Variants in FANCA observed in about 807,000 individuals in gnomAD.
FANCA encodes Fanconi anemia group A protein.
A neutral mutation model predicts 194.3 loss-of-function variants in FANCA; 236 were observed. That is an observed-to-expected ratio of 1.21 (90% confidence interval 1.09 to 1.35). FANCA has a LOEUF of 1.35. Among genes scored for constraint, FANCA ranks in the 40% most tolerant of loss-of-function variants. The pLI is 0.00. For synonymous variants in FANCA, 1,014 were observed against 715.8 expected (o/e 1.42, Z -6.65); for missense variants, 2,628 against 1,813.9 (o/e 1.45, Z -8.15).
chr16:89,744,337 T>C (rs1283739319), intron 36 of FANCA, among the ~76,000 whole-genome samples: 1 of 152,272 alleles, frequency 6.6e-6, no homozygotes, highest in South Asian at 2.1e-4. Flanking sequence ...GACGACCCCT[T>C]AAGAACACGG....
Position 89,795,920 on chromosome 16 carries a change from C to T in FANCA, c.992G>A (p.Ser331Asn). Reference protein sequence around the residue: ...SHTLTQILTHSPVLKASDAVQ... With the variant: ...SHTLTQILTHNPVLKASDAVQ... Reference sequence around the variant, plus strand: ...ACTGGGCCTACCTTTCAGCACAGGGCTGTGAGTGAGTATCTGAGTCAGGGT... The same window carrying T: ...ACTGGGCCTACCTTTCAGCACAGGGTTGTGAGTGAGTATCTGAGTCAGGGT... Residue 331 changes from serine to asparagine, a missense_variant, in exon 11 of 43, where the codon AGC becomes AAC. By Grantham distance (46) the Ser-to-Asn change is conservative. Coordinates refer to ENST00000389301, the MANE Select transcript of FANCA (RefSeq NM_000135.4). 3 of 1,613,520 alleles carry T rather than the reference C, an allele frequency of 1.9e-6. No individual in the cohort carries two copies. The highest frequency in any genetic ancestry group is 2.7e-5 in the African/African-American group (2 of 75,034).
chr16:89,780,872 C>T (rs990795323), intron 17 of FANCA, among the ~76,000 whole-genome samples: 1 of 150,202 alleles, frequency 6.7e-6, no homozygotes, highest in African/African-American at 2.5e-5. Context: ...TGAGGCTGCA[C>T]TGAACTGTGA....
chr16:89,739,794 A>G (rs1277154129), intron 39 of FANCA, 200 bp downstream of exon 39: 75 of 1,467,308 alleles, frequency 5.1e-5, no homozygotes, highest in Non-Finnish European at 6.4e-5. Flanking sequence ...TGATAGGCCC[A>G]TTGGTCCTGG....
At chr16:89,767,003 C>G in intron 27 of FANCA, 138 bp downstream of exon 27, 1 of 753,302 alleles carries the variant, frequency 1.3e-6, no homozygotes, top group African/African-American at 1.7e-5. Context: ...CAGGAGCTGC[C>G]CCATGACAGC....
At chr16:89,784,747 G>A in intron 15 of FANCA, 107 bp downstream of exon 15, 3 of 851,846 alleles carry the variant, frequency 3.5e-6, no homozygotes, top group Admixed American at 3.4e-5. Context: ...CTGGCTGAGA[G>A]GCTCAGAGCA....
At chr16:89,749,978 G>A in intron 31 of FANCA, 76 bp from the exon 32 acceptor site, 1 of 1,516,768 alleles carries the variant, frequency 6.6e-7, no homozygotes, top group South Asian at 1.1e-5. Context: ...CAGACGTCAG[G>A]GGTCAGGGAG....
At chr16:89,805,788 C>G (rs554010935) in intron 6 of FANCA, among the ~76,000 whole-genome samples, 1 of 152,152 alleles carries the variant, frequency 6.6e-6, no homozygotes, top group Non-Finnish European at 1.5e-5. Flanking sequence ...TGTTAACTTT[C>G]AAATATTGTG....
chr16:89,747,225 A>T (rs935681167), intron 33 of FANCA, among the ~76,000 whole-genome samples: 3 of 152,216 alleles, frequency 2.0e-5, no homozygotes, highest in Non-Finnish European at 2.9e-5. Flanking sequence ...ACTAATACCA[A>T]GGGCCAACCA....
intron 17 of FANCA, among the ~76,000 whole-genome samples, chr16:89,781,978 G>C (rs2039727060): frequency 6.6e-6 from 1 of 151,466 alleles, no homozygotes; most frequent in Non-Finnish European, 1.5e-5. Context: ...CTGCACTCCA[G>C]CCTGGGCGAC....
In FANCA at chr16:89,761,958, T is replaced by A. The variant is rs193172749; in HGVS notation, c.2843A>T (p.Asp948Val). The A allele has an allele frequency of 1.9e-6, 3 of 1,613,778 alleles. No individual in the cohort carries two copies. The highest frequency in any genetic ancestry group is 4.5e-5 in the East Asian group (2 of 44,896). ...EIQPEADALS[D>V]TERQDFHQWA... is the part of the protein sequence containing the mutation. Reference sequence around the variant, plus strand: ...TCTTTTCAACACTTACCGTTCAGTATCTGAAAGAGCATCAGCTTCAGGTTG... The same window carrying A: ...TCTTTTCAACACTTACCGTTCAGTAACTGAAAGAGCATCAGCTTCAGGTTG... Residue 948 changes from aspartate to valine, a missense_variant, in exon 29 of 43, where the codon GAT becomes GTT. Transcript: ENST00000389301.
At chr16:89,771,433 T>C (rs1342473557) in intron 23 of FANCA, among the ~76,000 whole-genome samples, 1 of 152,150 alleles carries the variant, frequency 6.6e-6, no homozygotes, top group Non-Finnish European at 1.5e-5. Flanking sequence ...CACTCCAGCC[T>C]GGGCAACAAA....
intron 29 of FANCA, among the ~76,000 whole-genome samples, chr16:89,759,110 G>A (rs1215526748): frequency 6.6e-6 from 1 of 151,534 alleles, no homozygotes; most frequent in Non-Finnish European, 1.5e-5. Context: ...CACGAGGTTA[G>A]GAGATCGAGA....
intron 36 of FANCA, among the ~76,000 whole-genome samples, 166 bp from the exon 37 acceptor site, chr16:89,743,104 A>C (rs2062174996): frequency 6.6e-6 from 1 of 152,226 alleles, no homozygotes; most frequent in Admixed American, 6.5e-5. Flanking sequence ...CCCCAGGTCC[A>C]CGTGAGAGTG....
At chr16:89,798,637 C>T (rs1001961377) in intron 10 of FANCA, 7 of 1,184,906 alleles carry the variant, frequency 5.9e-6, no homozygotes, top group African/African-American at 3.0e-5. Context: ...CCTCAGCTTC[C>T]GCCTCCCGAC....
At position 89,770,574 on chromosome 16, in the gene FANCA, G is replaced by T. The variant is rs751015814; in HGVS notation, c.2212C>A (p.Pro738Thr). Residue 738 changes from proline to threonine, a missense_variant, in exon 24 of 43, where the codon CCC becomes ACC. Physicochemically the swap from Pro to Thr is conservative, Grantham distance 38. Coordinates refer to ENST00000389301, the MANE Select transcript of FANCA (RefSeq NM_000135.4). ...TGCCCGCGCCTTCACCTCTCCGGGG[G>T]AGCGACACTGGAGGCAGCCATCAGG... ...QNLMAASSVA[P>T]PERQGPWAAL... The T allele has an allele frequency of 3.1e-6, 5 of 1,610,336 alleles. No individual in the cohort carries two copies. Among genetic ancestry groups the T allele is most frequent in the Admixed American group, 1.7e-5 (1 of 59,598 alleles).
intron 28 of FANCA, among the ~76,000 whole-genome samples, chr16:89,762,436 A>G (rs2038982178): frequency 1.3e-5 from 2 of 152,102 alleles, no homozygotes; most frequent in African/African-American, 4.8e-5. Flanking sequence ...TCTACAAAAG[A>G]TTTAAAAATC....
intron 37 of FANCA, among the ~76,000 whole-genome samples, chr16:89,741,257 G>T (rs565479251): frequency 6.6e-6 from 1 of 152,202 alleles, no homozygotes; most frequent in African/African-American, 2.4e-5. Flanking sequence ...GGGCCTGACT[G>T]GGCAGGGTCT....
chr16:89,805,439 C>G (rs1435666334), intron 6 of FANCA, 47 bp from the exon 7 acceptor site: 2 of 1,452,274 alleles, frequency 1.4e-6, no homozygotes, highest in Non-Finnish European at 1.9e-6. Flanking sequence ...TAAATCCCAT[C>G]ATCAGGGGAT....
At chr16:89,772,065 C>T (rs2039345216) in intron 22 of FANCA, among the ~76,000 whole-genome samples, 1 of 152,184 alleles carries the variant, frequency 6.6e-6, no homozygotes, top group Admixed American at 6.5e-5. Context: ...GAGAGGGGGA[C>T]ATGTTCATTC....
Sources: gnomAD v4.1 joint callset for allele counts (sites outside exome capture counted in the v4.1 genomes callset) on GRCh38, gnomAD v4.1.1 for gene constraint, MANE v1.5 for transcripts, NCBI Gene and HGNC (gene_info 2026-07-23, HGNC 2026-07-21) for gene names.